PGLYRP3: variants seen among roughly 807,000 people sequenced by gnomAD.
PGLYRP3 encodes the protein peptidoglycan recognition protein 3.
Under a neutral mutation model 36.0 loss-of-function variants are expected in PGLYRP3, and 39 were observed. The observed-to-expected ratio is 1.08, with a 90% CI of 0.84 to 1.41. The LOEUF is 1.41. Ranked by LOEUF, PGLYRP3 falls within the 40% of genes most tolerant of loss-of-function variation. The probability of loss-of-function intolerance (pLI) is 0.00; values close to 1 mark genes in which losing one functional copy is unlikely to be tolerated. For synonymous variants in PGLYRP3, 204 were observed against 172.8 expected (o/e 1.18, Z -1.42); for missense variants, 407 against 427.9 (o/e 0.95, Z 0.43).
At chr1:153,300,796 A>G (rs1395216071) in intron 6 of PGLYRP3, among the ~76,000 whole-genome samples, 1 of 137,772 alleles carries the variant, frequency 7.3e-6, no homozygotes, top group Non-Finnish European at 1.6e-5. Context: ...TTTTGCCTTT[A>G]AAAGCTTCCC....
At chr1:153,306,929 A>G in intron 3 of PGLYRP3, 137 bp downstream of exon 3, 1 of 862,284 alleles carries the variant, frequency 1.2e-6, no homozygotes, top group Non-Finnish European at 1.8e-6. Flanking sequence ...ATTTTGTTTG[A>G]TTCCCCTTTT....
At chr1:153,302,633 A>T in intron 5 of PGLYRP3, 26 bp from the exon 6 acceptor site, 1 of 1,612,226 alleles carries the variant, frequency 6.2e-7, no homozygotes, top group South Asian at 1.1e-5. Context: ...AAGCCAAGGA[A>T]GTAGGAATTT....
Position 153,298,025 on chromosome 1 carries a change from C to T in PGLYRP3, c.957G>A (p.Val319=), listed in dbSNP as rs746509898. The T allele has an allele frequency of 6.2e-7, 1 of 1,613,880 alleles. No homozygotes were observed. Among genetic ancestry groups the T allele is most frequent in the African/African-American group, 1.3e-5 (1 of 74,838 alleles). The stretch of plus-strand genomic sequence containing the variant: ...CCTGCCCAGGGGACAGGATGTTGAC[C>T]ACGTCACTGTGGCCCATCAGCAGGT... The part of the protein sequence containing the change: ...PNYLLMGHSD[V]VNILSPGQAL... Residue 319 remains valine, a synonymous_variant, in exon 8 of 8, where the codon GTG becomes GTA. Transcript: ENST00000683862.
chr1:153,306,748 T>C (rs1571105952), intron 3 of PGLYRP3, among the ~76,000 whole-genome samples: 1 of 151,882 alleles, frequency 6.6e-6, no homozygotes, highest in South Asian at 2.1e-4. Flanking sequence ...CCAAATCGGG[T>C]GATATTTGTG....
chr1:153,310,752 G>C, intron 1 of PGLYRP3, 46 bp from the exon 2 acceptor site: 1 of 1,206,826 alleles, frequency 8.3e-7, no homozygotes. Context: ...AACTCTGCAA[G>C]TGGAGCACCC....
At chr1:153,298,207 G>C in intron 7 of PGLYRP3, 73 bp from the exon 8 acceptor site, 1 of 1,510,024 alleles carries the variant, frequency 6.6e-7, no homozygotes, top group South Asian at 1.2e-5. Context: ...CAAGCACCTA[G>C]ATTCCAGTTT....
intron 6 of PGLYRP3, among the ~76,000 whole-genome samples, chr1:153,300,946 A>G (rs1007089243): frequency 1.3e-5 from 2 of 152,008 alleles, no homozygotes; most frequent in Admixed American, 6.6e-5. Flanking sequence ...ACAGGGTCTC[A>G]CTCTGTTGCT....
Position 153,297,998 on chromosome 1 carries a change from A to G in PGLYRP3, c.984T>C (p.Ala328=), listed in dbSNP as rs1454950580. 3.7e-6 allele frequency: 6 copies of G among 1,613,482 alleles called. No homozygotes were observed. Among genetic ancestry groups the G allele is most frequent in the Non-Finnish European group, 5.1e-6 (6 of 1,179,896 alleles). The change falls in exon 8 of 8, where the codon GCT becomes GCC. Residue 328 remains alanine, a synonymous_variant. Coordinates refer to ENST00000683862, the MANE Select transcript of PGLYRP3 (RefSeq NM_052891.3). ...DVVNILSPGQ[A]LYNIISTWPH... ...GCCAGGTGCTGATGATGTTATACAA[A>G]GCCTGCCCAGGGGACAGGATGTTGA...
intron 1 of PGLYRP3, among the ~76,000 whole-genome samples, chr1:153,312,333 A>G (rs1268808038): frequency 6.6e-6 from 1 of 152,236 alleles, no homozygotes; most frequent in East Asian, 1.9e-4. Flanking sequence ...ACATTAGACC[A>G]GGAGACAAGT....
Position 153,299,218 on chromosome 1 carries a change from G to A in PGLYRP3, c.742C>T (p.Gln248Ter), listed in dbSNP as rs1476709643. The change falls in exon 7 of 8, where the codon CAG becomes TAG. Residue 248 changes from glutamine to a stop codon, truncating the protein, a stop_gained. Transcript: ENST00000683862. LOFTEE classifies it high-confidence loss of function. Reference protein sequence around the residue: ...CDIGYHFLVGQDGGVYEGVGW... With the variant: ...CDIGYHFLVG ...ACCCCTTCATACACGCCACCATCCTGGCCCACCAGGAAGCTTAGGTCAGGA... is the reference window on the plus strand; with the variant it reads ...ACCCCTTCATACACGCCACCATCCTAGCCCACCAGGAAGCTTAGGTCAGGA... 2 of 1,613,810 alleles carry A rather than the reference G, an allele frequency of 1.2e-6. No homozygotes were observed. The highest frequency in any genetic ancestry group is 1.7e-5 in the Admixed American group (1 of 59,992).
In PGLYRP3 at chr1:153,297,886, C is replaced by G. The variant is rs2771110; in HGVS notation, c.*70G>C. ...GAGGGGGACACAAGGTGCTGAGCCA[C>G]CTTGGCTGGTGAGGGTTGGAGAGAC... is the stretch of plus-strand genomic sequence containing the variant. On this transcript the variant is annotated 3_prime_UTR_variant, in exon 8 of 8. Transcript: ENST00000683862. 579,471 of 1,550,356 alleles carry G rather than the reference C, an allele frequency of 0.37. 114,900 individuals are homozygous for G. Among genetic ancestry groups the G allele is most frequent in the East Asian group, 0.71 (31,274 of 44,066 alleles).
In PGLYRP3 at chr1:153,310,605, A is replaced by T. The variant is rs1659870424; in HGVS notation, c.55+6T>A. 1 of 1,614,010 alleles carries T rather than the reference A, an allele frequency of 6.2e-7. No homozygotes were observed. Among genetic ancestry groups the T allele is most frequent in the East Asian group, 2.2e-5 (1 of 44,870 alleles). On this transcript the variant is annotated splice_donor_region_variant and intron_variant, in intron 2 of 7. Coordinates refer to ENST00000683862, the MANE Select transcript of PGLYRP3 (RefSeq NM_052891.3). ...AGCACTTCTGATGCAAGTAAATAAA[A>T]CTTACCCCAAGCCTGGAGACCCAGA...
intron 6 of PGLYRP3, among the ~76,000 whole-genome samples, chr1:153,301,319 A>T (rs888783769): frequency 1.3e-5 from 2 of 152,352 alleles, no homozygotes; most frequent in Non-Finnish European, 1.5e-5. Context: ...ACTATTGATT[A>T]AAAAACTAGA....
At position 153,297,546 on chromosome 1, in the gene PGLYRP3, G is replaced by GAA. The variant is rs1557805301; in HGVS notation, c.*409_*410insTT. On this transcript the variant is annotated 3_prime_UTR_variant, in exon 8 of 8. Coordinates refer to ENST00000683862, the MANE Select transcript of PGLYRP3 (RefSeq NM_052891.3). ...AGGAAGGAAGGAAGGAAGGAAGGAA[G>GAA]GAAGGAAAGAAAGAAAAAGAAAGAA... Among the ~76,000 whole-genome samples the GAA allele has an allele frequency of 1.5e-4, 14 of 92,222 alleles. No individual in the cohort carries two copies. The highest frequency in any genetic ancestry group is 6.9e-4 in the African/African-American group (14 of 20,256). The allele number at this position is 92,222 out of a possible 152,430, so 60.5% of individuals were successfully genotyped here.
intron 3 of PGLYRP3, among the ~76,000 whole-genome samples, chr1:153,306,240 A>G (rs1659735699): frequency 6.6e-6 from 1 of 152,220 alleles, no homozygotes; most frequent in African/African-American, 2.4e-5. Flanking sequence ...TTCCTTTCCA[A>G]AATGGATAAT....
intron 3 of PGLYRP3, among the ~76,000 whole-genome samples, chr1:153,305,863 C>T (rs1356133556): frequency 6.6e-6 from 1 of 152,252 alleles, no homozygotes; most frequent in Non-Finnish European, 1.5e-5. Context: ...TCACAGGTTC[C>T]TTGGTCACTC....
intron 2 of PGLYRP3, among the ~76,000 whole-genome samples, chr1:153,309,258 A>C (rs1460921891): frequency 6.6e-6 from 1 of 152,190 alleles, no homozygotes; most frequent in African/African-American, 2.4e-5. Flanking sequence ...CAAGGATGCT[A>C]TCAGAATTGT....
intron 2 of PGLYRP3, among the ~76,000 whole-genome samples, chr1:153,307,631 C>T (rs1009897654): frequency 7.2e-5 from 11 of 152,164 alleles, no homozygotes; most frequent in Non-Finnish European, 2.9e-5. Flanking sequence ...CCTCCTTAGC[C>T]CAGAAGCCTG....
chr1:153,304,445 C>G (rs761536877), intron 4 of PGLYRP3, among the ~76,000 whole-genome samples: 14 of 152,208 alleles, frequency 9.2e-5, no homozygotes, highest in Non-Finnish European at 1.6e-4. Flanking sequence ...TACCTAGCCC[C>G]AGCTGTCAAA....
Sources: allele counts gnomAD v4.1 joint callset (sites outside exome capture counted in the v4.1 genomes callset), GRCh38; gene constraint gnomAD v4.1.1; transcripts MANE v1.5; gene names NCBI Gene and HGNC (gene_info 2026-07-23, HGNC 2026-07-21).